HEATR5A: variants seen among roughly 807,000 people sequenced by gnomAD.
HEATR5A encodes HEAT repeat-containing protein 5A.
Under a neutral mutation model 218.8 loss-of-function variants are expected in HEATR5A, and 178 were observed. The ratio of observed to expected loss-of-function variants is 0.81; its 90% confidence interval spans 0.72 to 0.92. The LOEUF (loss-of-function observed/expected upper bound fraction) is 0.92, where lower values mean the gene tolerates loss of function less well. Among genes scored for constraint, HEATR5A ranks in the 40% least tolerant of loss-of-function variants. The pLI is 0.00. For synonymous variants in HEATR5A, 864 were observed against 871.6 expected, an observed-to-expected ratio of 0.99 and a Z score of 0.15; for missense variants, 2,420 against 2,418.9, an observed-to-expected ratio of 1.00 and a Z score of -0.01.
At chr14:31,352,130 C>A (rs1056067601) in intron 16 of HEATR5A, among the ~76,000 whole-genome samples, 2 of 152,180 alleles carry the variant, frequency 1.3e-5, no homozygotes, top group Non-Finnish European at 2.9e-5. Context: ...ACCACCCCAT[C>A]TTACCATTAA....
chr14:31,416,745 C>T (rs10147938), intron 1 of HEATR5A, among the ~76,000 whole-genome samples: 48,161 of 152,028 alleles, frequency 0.32, 8,141 homozygotes, highest in Non-Finnish European at 0.38. Flanking sequence ...TGTTCAGTTA[C>T]ACTTCCAATA....
In HEATR5A at chr14:31,374,968, C is replaced by T; in HGVS notation, c.1709G>A (p.Gly570Asp). 1.3e-6 allele frequency: 2 copies of T among 1,597,942 alleles called. No individual in the cohort carries two copies. Among genetic ancestry groups the T allele is most frequent in the Non-Finnish European group, 1.7e-6 (2 of 1,173,092 alleles). The change falls in exon 12 of 36, where the codon GGT becomes GAT. Residue 570 changes from glycine (G) to aspartate (D), a missense_variant and splice_region_variant. Physicochemically the swap from Gly to Asp is moderately conservative, Grantham distance 94. Transcript: ENST00000543095. ...AAGGTGATGGCTAACAACTGCAGGA[C>T]CTGTAATTTATTCAACTTGTCACTT... ...WLLISALMTL[G>D]PAVVSHHLAR...
intron 21 of HEATR5A, among the ~76,000 whole-genome samples, chr14:31,341,847 G>A (rs1213499854): frequency 2.6e-5 from 4 of 152,020 alleles, no homozygotes; most frequent in East Asian, 3.8e-4. Flanking sequence ...AAGAAAAAAC[G>A]GCAGTATCAC....
At chr14:31,409,814 C>G (rs190652252) in intron 1 of HEATR5A, among the ~76,000 whole-genome samples, 1 of 152,308 alleles carries the variant, frequency 6.6e-6, no homozygotes, top group African/African-American at 2.4e-5. Context: ...AACAAATATA[C>G]AGGCTGCTGA....
chr14:31,307,173 C>T (rs1385029936), intron 30 of HEATR5A, among the ~76,000 whole-genome samples: 2 of 152,130 alleles, frequency 1.3e-5, no homozygotes, highest in Non-Finnish European at 2.9e-5. Flanking sequence ...CTGATTAATG[C>T]TTTAAACCTA....
At chr14:31,361,944 T>A (rs1252184659) in intron 14 of HEATR5A, among the ~76,000 whole-genome samples, 1 of 130,050 alleles carries the variant, frequency 7.7e-6, no homozygotes, top group Non-Finnish European at 1.8e-5. Context: ...AATCAGAAAT[T>A]TATTTATTTA....
intron 28 of HEATR5A, among the ~76,000 whole-genome samples, chr14:31,309,403 T>G (rs374438148): frequency 6.6e-6 from 1 of 152,204 alleles, no homozygotes; most frequent in Non-Finnish European, 1.5e-5. Flanking sequence ...CATATACATA[T>G]GTACTTATTT....
intron 12 of HEATR5A, among the ~76,000 whole-genome samples, chr14:31,374,325 G>C (rs554986159): frequency 1.5e-4 from 23 of 150,318 alleles, no homozygotes; most frequent in Non-Finnish European, 3.0e-4. Flanking sequence ...AAAAAAAAGT[G>C]GTAATTGACC....
Position 31,373,495 on chromosome 14 carries a change from A to AT in HEATR5A, c.1861+1320dup, listed in dbSNP as rs199789179. Among the ~76,000 whole-genome samples, 442 of 151,506 alleles carry AT rather than the reference A, an allele frequency of 2.9e-3. 13 individuals are homozygous for AT. In the East Asian group the frequency reaches 0.065, roughly 22 times the overall value. On this transcript the variant is annotated intron_variant, in intron 12 of 35. Coordinates refer to ENST00000543095, the MANE Select transcript of HEATR5A (RefSeq NM_015473.4). ...AAGCGCCCACCACCACATCTGGCTAATTTTTTTGTATTTTTAGTAGAGATG... is the reference window on the plus strand; with the variant it reads ...AAGCGCCCACCACCACATCTGGCTAATTTTTTTTGTATTTTTAGTAGAGATG...
chr14:31,375,843 A>G (rs1002981909), intron 11 of HEATR5A, among the ~76,000 whole-genome samples: 5 of 152,336 alleles, frequency 3.3e-5, no homozygotes, highest in East Asian at 1.9e-4. Flanking sequence ...CACAAACCCA[A>G]TAATAATACA....
rs1333888695 is a variant in HEATR5A, at chr14:31,349,782, C to T, written c.2708+7G>A. On this transcript the variant is annotated splice_region_variant and intron_variant, in intron 18 of 35. Transcript: ENST00000543095. The stretch of plus-strand genomic sequence containing the variant: ...GCCTCTGAATATTAAATAAGAAATT[C>T]ACTTACTTGTCAAAGCTAACTTGAG... 6.3e-7 allele frequency: 1 copy of T among 1,597,048 alleles called. No homozygotes were observed. The highest frequency in any genetic ancestry group is 2.2e-5 in the East Asian group (1 of 44,702).
At chr14:31,327,284 C>T (rs1283097807) in intron 22 of HEATR5A, among the ~76,000 whole-genome samples, 2 of 104,460 alleles carry the variant, frequency 1.9e-5, no homozygotes, top group African/African-American at 7.3e-5. Context: ...CCTCCAGTGG[C>T]ACTTTTTTTT....
chr14:31,386,508 AT>A lies in HEATR5A; in HGVS notation c.1256del (p.His419LeufsTer49). On this transcript the variant is annotated frameshift_variant, in exon 9 of 36. Transcript: ENST00000543095. LOFTEE classifies it high-confidence loss of function. ...GTTCTTGTAAAGCACAAACCAGCAT[AT>A]GTTGGCTAGCGGCTACATCTGTGGA... ...LGSTDVAASQ[H>X]MLVCALQELG... 1 of 1,612,098 alleles carries A rather than the reference AT, an allele frequency of 6.2e-7. No homozygotes were observed. The highest frequency in any genetic ancestry group is 8.5e-7 in the Non-Finnish European group (1 of 1,179,348).
chr14:31,319,879 T>C (rs920183136), intron 25 of HEATR5A, among the ~76,000 whole-genome samples: 1 of 151,982 alleles, frequency 6.6e-6, no homozygotes, highest in Non-Finnish European at 1.5e-5. Flanking sequence ...ACCCTGTCTT[T>C]ACAAAAAAAC....
intron 16 of HEATR5A, among the ~76,000 whole-genome samples, chr14:31,353,990 G>A (rs558994591): frequency 5.9e-5 from 9 of 151,966 alleles, no homozygotes; most frequent in South Asian, 2.1e-4. Context: ...TAGTAGAGAC[G>A]GGGTTTCACC....
chr14:31,419,183 G>A (rs2031557265), intron 1 of HEATR5A, among the ~76,000 whole-genome samples: 1 of 151,782 alleles, frequency 6.6e-6, no homozygotes, highest in South Asian at 2.1e-4. Flanking sequence ...TAGTCATCTA[G>A]GTAAAACAAC....
intron 30 of HEATR5A, 62 bp from the exon 31 acceptor site, chr14:31,306,941 T>C (rs1899573637): frequency 7.6e-7 from 1 of 1,317,556 alleles, no homozygotes; most frequent in Non-Finnish European, 1.0e-6. Context: ...TTGTAAAAAA[T>C]ACCAATGCTA....
chr14:31,358,543 T>C, intron 16 of HEATR5A, 94 bp downstream of exon 16: 1 of 1,110,102 alleles, frequency 9.0e-7, no homozygotes, highest in Non-Finnish European at 1.3e-6. Flanking sequence ...CTGTTATTTA[T>C]AAGAAATCAT....
intron 25 of HEATR5A, among the ~76,000 whole-genome samples, chr14:31,319,843 G>A (rs1210798326): frequency 1.3e-5 from 2 of 152,124 alleles, no homozygotes; most frequent in African/African-American, 4.8e-5. Context: ...CCAAGAGTTT[G>A]AGACCAGCCT....
Sources: gnomAD v4.1 joint callset for allele counts (sites outside exome capture counted in the v4.1 genomes callset) on GRCh38, gnomAD v4.1.1 for gene constraint, MANE v1.5 for transcripts, NCBI Gene and HGNC (gene_info 2026-07-23, HGNC 2026-07-21) for gene names.